Variants in PDLIM5 observed in about 807,000 individuals in gnomAD.
The protein encoded by PDLIM5 is PDZ and LIM domain protein 5.
Under a neutral mutation model 64.2 loss-of-function variants are expected in PDLIM5, and 34 were observed. That is an observed-to-expected ratio of 0.53 (90% CI 0.40 to 0.71). The LOEUF (loss-of-function observed/expected upper bound fraction) is 0.71, where lower values mean the gene tolerates loss of function less well. Among genes scored for constraint, PDLIM5 ranks in the 30% least tolerant of loss-of-function variants. PDLIM5 has a pLI of 0.00. For missense variants in PDLIM5, 683 were observed against 733.6 expected, an observed-to-expected ratio of 0.93 and a Z score of 0.80; for synonymous variants, 253 against 269.1, an observed-to-expected ratio of 0.94 and a Z score of 0.59.
chr4:94,503,707 C>G (rs1728136436), intron 2 of PDLIM5, among the ~76,000 whole-genome samples: 1 of 152,156 alleles, frequency 6.6e-6, no homozygotes, highest in Non-Finnish European at 1.5e-5. Context: ...AACGTTGATA[C>G]CTCAGACTTT....
At chr4:94,503,460 A>G (rs976476500) in intron 2 of PDLIM5, among the ~76,000 whole-genome samples, 8 of 152,218 alleles carry the variant, frequency 5.3e-5, no homozygotes, top group Non-Finnish European at 7.3e-5. Context: ...ACTGTTTTAG[A>G]ATAGCCTCTC....
intron 2 of PDLIM5, among the ~76,000 whole-genome samples, chr4:94,513,951 A>G (rs1461601784): frequency 2.0e-5 from 3 of 152,054 alleles, no homozygotes; most frequent in East Asian, 1.9e-4. Context: ...GATTTTATCA[A>G]ATGCTTTTTC....
At chr4:94,559,018 A>G (rs915156636) in intron 3 of PDLIM5, among the ~76,000 whole-genome samples, 1 of 152,102 alleles carries the variant, frequency 6.6e-6, no homozygotes, top group African/African-American at 2.4e-5. Context: ...TTTTTGGTAA[A>G]CTAAGGAAAA....
At chr4:94,649,844 A>G (rs1461145935) in intron 9 of PDLIM5, among the ~76,000 whole-genome samples, 2 of 152,358 alleles carry the variant, frequency 1.3e-5, no homozygotes, top group Non-Finnish European at 2.9e-5. Context: ...AAAATTGTCA[A>G]TTAAGGTTAC....
chr4:94,478,508 CT>C (rs1399634805), intron 2 of PDLIM5, among the ~76,000 whole-genome samples: 6 of 151,966 alleles, frequency 3.9e-5, no homozygotes, highest in African/African-American at 1.4e-4. Flanking sequence ...CATGAACCTC[CT>C]TAAAAGTCAA....
intron 11 of PDLIM5, among the ~76,000 whole-genome samples, chr4:94,658,993 AAC>A (rs1430969031): frequency 6.6e-6 from 1 of 152,238 alleles, no homozygotes; most frequent in Non-Finnish European, 1.5e-5. Context: ...ATCTAGCCAA[AAC>A]ACATAAAACA....
In PDLIM5 at chr4:94,665,090, C is replaced by T. The variant is rs1743006411; in HGVS notation, c.*1023C>T. On this transcript the variant is annotated 3_prime_UTR_variant, in exon 13 of 13. Transcript: ENST00000317968. Reference sequence around the variant, plus strand: ...TTGTTTCTATTCATTGTGTATGCTTCATCACCTATATTAGGCAAATTCCAT... The same window carrying T: ...TTGTTTCTATTCATTGTGTATGCTTTATCACCTATATTAGGCAAATTCCAT... The T allele has an allele frequency of 1.0e-6, 1 of 962,752 alleles. No homozygotes were observed. The highest frequency in any genetic ancestry group is 1.8e-5 in the African/African-American group (1 of 55,496). 59.6% of individuals were successfully genotyped at this position (962,752 alleles called of 1,614,324 possible). A position where few individuals can be genotyped will look rare whatever the true frequency, so the allele number is the denominator to read the frequency against.
At chr4:94,577,401 T>C (rs1187140865) in intron 5 of PDLIM5, 2 of 456,326 alleles carry the variant, frequency 4.4e-6, no homozygotes, top group East Asian at 1.4e-4. Context: ...GAGCAGGAGC[T>C]CTAGAAGAAC....
At chr4:94,584,807 T>C in intron 5 of PDLIM5, 2 of 527,876 alleles carry the variant, frequency 3.8e-6, no homozygotes, top group South Asian at 2.9e-5. Flanking sequence ...TTGTGAATAT[T>C]GTCCGCATCT....
At position 94,666,216 on chromosome 4, in the gene PDLIM5, T is replaced by C. The variant is rs974991819; in HGVS notation, c.*2149T>C. The C allele has an allele frequency of 5.8e-6, 3 of 514,408 alleles. No homozygotes were observed. The highest frequency in any genetic ancestry group is 3.4e-6 in the Non-Finnish European group (1 of 294,496). The allele number at this position is 514,408 out of a possible 1,614,324, so 31.9% of individuals were successfully genotyped here. ...ATTTGTTTAACCTCCCTAAGAACTT[T>C]CAAGGCATCTGTCCTGAAAGCTGTT... On this transcript the variant is annotated 3_prime_UTR_variant, in exon 13 of 13. Transcript: ENST00000317968.
chr4:94,455,571 A>G (rs1578184533), intron 2 of PDLIM5, 187 bp downstream of exon 2: 5 of 634,140 alleles, frequency 7.9e-6, no homozygotes, highest in East Asian at 2.7e-5. Context: ...ACTGACTTCA[A>G]TTTAACTTCT....
At chr4:94,570,278 T>G (rs1734696289) in intron 3 of PDLIM5, among the ~76,000 whole-genome samples, 1 of 152,178 alleles carries the variant, frequency 6.6e-6, no homozygotes, top group South Asian at 2.1e-4. Flanking sequence ...CTTTTGTCTT[T>G]TTTCCTTCTT....
chr4:94,664,029 C>G lies in PDLIM5; in HGVS notation c.1753C>G (p.Pro585Ala), dbSNP rs2110512922. 1 of 1,607,948 alleles carries G rather than the reference C, an allele frequency of 6.2e-7. No individual in the cohort carries two copies. Among genetic ancestry groups the G allele is most frequent in the Non-Finnish European group, 8.5e-7 (1 of 1,175,962 alleles). Residue 585 changes from proline (P) to alanine (A), a missense_variant, in exon 13 of 13, where the codon CCC (proline) becomes GCC (alanine). Transcript: ENST00000317968. ...GQTFFSKKDK[P>A]LCKKHAHSVN... ...GACCTTTTTCTCCAAGAAGGACAAGCCCCTGTGTAAGAAACATGCTCATTC... is the reference window on the plus strand; with the variant it reads ...GACCTTTTTCTCCAAGAAGGACAAGGCCCTGTGTAAGAAACATGCTCATTC...
intron 3 of PDLIM5, among the ~76,000 whole-genome samples, chr4:94,551,061 A>G (rs1732763448): frequency 6.6e-6 from 1 of 152,158 alleles, no homozygotes; most frequent in South Asian, 2.1e-4. Flanking sequence ...GAAGAACAAG[A>G]TGAAAGGATA....
chr4:94,472,180 A>G (rs1724943532), intron 2 of PDLIM5, among the ~76,000 whole-genome samples: 1 of 152,110 alleles, frequency 6.6e-6, no homozygotes, highest in Admixed American at 6.6e-5. Context: ...ACACACACGC[A>G]CACGCACCCT....
At chr4:94,578,812 A>G (rs980732857) in intron 5 of PDLIM5, among the ~76,000 whole-genome samples, 1 of 152,040 alleles carries the variant, frequency 6.6e-6, no homozygotes, top group Non-Finnish European at 1.5e-5. Flanking sequence ...CCTTATATTT[A>G]TATTAGTTAT....
intron 7 of PDLIM5, among the ~76,000 whole-genome samples, chr4:94,605,104 G>A (rs2110359946): frequency 6.6e-6 from 1 of 152,244 alleles, no homozygotes; most frequent in East Asian, 1.9e-4. Flanking sequence ...TTTTAAAAGA[G>A]GACACAAAGC....
chr4:94,490,117 A>G (rs2510801), intron 2 of PDLIM5, among the ~76,000 whole-genome samples: 28,342 of 151,770 alleles, frequency 0.19, 3,182 homozygotes, highest in Non-Finnish European at 0.25. Flanking sequence ...TAAAAAATCA[A>G]ATATGAACTG....
chr4:94,575,622 C>G lies in PDLIM5; in HGVS notation c.298C>G (p.Pro100Ala). ...PEPVPVQKGE[P>A]KEVVKPVPIT... ...TTATTTTTGTTTTACATAGGGAGAA[C>G]CTAAAGAAGTAGTTAAACCTGTGCC... The change falls in exon 5 of 13, where the codon CCT (proline) becomes GCT (alanine). Residue 100 changes from proline to alanine, a missense_variant. Physicochemically the swap from Pro to Ala is conservative, Grantham distance 27. Transcript: ENST00000317968. 3 of 1,557,558 alleles carry G rather than the reference C, an allele frequency of 1.9e-6. No individual in the cohort carries two copies. Among genetic ancestry groups the G allele is most frequent in the Non-Finnish European group, 2.6e-6 (3 of 1,147,306 alleles).
Sources: gnomAD v4.1 joint callset for allele counts (sites outside exome capture counted in the v4.1 genomes callset) on GRCh38, gnomAD v4.1.1 for gene constraint, MANE v1.5 for transcripts, NCBI Gene and HGNC (gene_info 2026-07-23, HGNC 2026-07-21) for gene names.